Variants in FARP1 observed in about 807,000 individuals in gnomAD.
FARP1 encodes the protein FERM, ARH/RhoGEF and pleckstrin domain protein 1.
FARP1 carries 52 observed loss-of-function variants against 128.8 expected under a neutral mutation model. The observed-to-expected ratio is 0.40, with a 90% confidence interval of 0.32 to 0.51. The LOEUF (loss-of-function observed/expected upper bound fraction) is 0.51. Ranked by LOEUF, FARP1 falls within the 20% of genes least tolerant of loss-of-function variation. The probability of loss-of-function intolerance (pLI) is 0.45; values close to 1 mark genes in which losing one functional copy is unlikely to be tolerated. For synonymous variants in FARP1, 580 were observed against 551.8 expected (o/e 1.05, Z -0.72); for missense variants, 1,333 against 1,367.9 (o/e 0.97, Z 0.40).
chr13:98,331,454 G>A (rs575763123), intron 2 of FARP1, among the ~76,000 whole-genome samples: 3 of 152,060 alleles, frequency 2.0e-5, no homozygotes, highest in African/African-American at 7.3e-5. Flanking sequence ...TTCCCCAGCT[G>A]CTCATCAGAA....
chr13:98,441,554 G>A (rs1176666598), intron 24 of FARP1, among the ~76,000 whole-genome samples: 2 of 152,222 alleles, frequency 1.3e-5, no homozygotes, highest in Non-Finnish European at 2.9e-5. Context: ...TCTGAGCAGC[G>A]TTCCTTGCTC....
At chr13:98,191,243 C>T (rs974035414) in intron 1 of FARP1, among the ~76,000 whole-genome samples, 11 of 152,182 alleles carry the variant, frequency 7.2e-5, no homozygotes, top group African/African-American at 2.7e-4. Flanking sequence ...GAGAACACTG[C>T]CTGTGTTCTC....
intron 2 of FARP1, among the ~76,000 whole-genome samples, chr13:98,275,567 A>G (rs145626510): frequency 1.1e-4 from 16 of 151,554 alleles, no homozygotes; most frequent in African/African-American, 3.6e-4. Flanking sequence ...AGAATAGAGT[A>G]ATTCCTAACA....
chr13:98,227,524 T>C (rs1436419174), intron 2 of FARP1, among the ~76,000 whole-genome samples: 1 of 150,802 alleles, frequency 6.6e-6, no homozygotes, highest in East Asian at 1.9e-4. Flanking sequence ...GCACTGTTGG[T>C]GAGAATGTAA....
chr13:98,216,223 C>A (rs191436834), intron 2 of FARP1, among the ~76,000 whole-genome samples: 12 of 152,328 alleles, frequency 7.9e-5, no homozygotes, highest in Non-Finnish European at 1.3e-4. Flanking sequence ...GTACCTCATG[C>A]TGTTTAAGAG....
intron 2 of FARP1, among the ~76,000 whole-genome samples, chr13:98,276,523 A>G (rs1038643848): frequency 2.6e-5 from 4 of 152,196 alleles, no homozygotes; most frequent in African/African-American, 2.4e-5. Flanking sequence ...AGCTAAACAA[A>G]TGTAAAAATA....
chr13:98,378,646 C>A (rs1171673350), intron 6 of FARP1, among the ~76,000 whole-genome samples: 9 of 151,652 alleles, frequency 5.9e-5, no homozygotes. Context: ...TATAATCAGT[C>A]CCCTCCTATC....
At position 98,393,772 on chromosome 13, in the gene FARP1, C is replaced by T. The variant is rs375215549; in HGVS notation, c.1164+54C>T. On this transcript the variant is annotated intron_variant, in intron 12 of 26. Coordinates refer to ENST00000319562, the MANE Select transcript of FARP1 (RefSeq NM_005766.4). ...TCTGCTTTTCCCCACACTTCCTCCA[C>T]GGAGCCCTGGGCTTCAGAGCGGGCT... is the stretch of plus-strand genomic sequence containing the variant. The T allele has an allele frequency of 8.1e-4, 1,115 of 1,368,980 alleles. 16 individuals carry two copies. In the South Asian group the frequency reaches 0.012, roughly 15 times the overall value. The allele number at this position is 1,368,980 out of a possible 1,614,324, so 84.8% of individuals were successfully genotyped here.
intron 1 of FARP1, chr13:98,204,178 A>C (rs954306165): frequency 2.0e-5 from 3 of 152,272 alleles, no homozygotes; most frequent in Non-Finnish European, 2.9e-5. Flanking sequence ...TCACAGCCAG[A>C]TGGCCCTCAC....
chr13:98,440,224 C>A lies in FARP1; in HGVS notation c.2618C>A (p.Pro873His). ...GCCCCTGAGTTCCTGGCCAGCAGCC[C>A]CCCTGACAACAGTGAGTGTGGCCAG... Reference protein sequence around the residue: ...SPAPEFLASSPPDNKSPDEAT... With the variant: ...SPAPEFLASSHPDNKSPDEAT... Residue 873 changes from proline to histidine, a missense_variant, in exon 23 of 27, where the codon CCC (proline) becomes CAC (histidine). Around this residue, in one of 2 missense-constraint regions of FARP1, gnomAD observed 1,009 missense variants for 969.8 expected, o/e 1.04. Coordinates refer to ENST00000319562, the MANE Select transcript of FARP1 (RefSeq NM_005766.4). 1 of 1,612,990 alleles carries A rather than the reference C, an allele frequency of 6.2e-7. No homozygotes were observed. The highest frequency in any genetic ancestry group is 8.5e-7 in the Non-Finnish European group (1 of 1,179,064).
chr13:98,161,721 GTC>G (rs1277498745), intron 1 of FARP1, among the ~76,000 whole-genome samples: 2 of 152,038 alleles, frequency 1.3e-5, no homozygotes, highest in African/African-American at 2.4e-5. Context: ...CTACCTTCTT[GTC>G]TCTCTTTTTC....
chr13:98,308,023 C>A (rs1181790959), intron 2 of FARP1, among the ~76,000 whole-genome samples: 1 of 28,896 alleles, frequency 3.5e-5, no homozygotes, highest in East Asian at 5.7e-3. Context: ...CGCCCGCCCC[C>A]ACTCTCTCTC....
rs144967352 is a variant in FARP1 at position 98,270,482 on chromosome 13, A to C, written c.171+57069A>C. On this transcript the variant is annotated intron_variant, in intron 2 of 26. Transcript: ENST00000319562. The stretch of plus-strand genomic sequence containing the variant: ...GGTTTTTAAACTATTCATGACTTAC[A>C]ATGCCTCAGCGTATCTTCCTTGGGA... 3.5e-3 allele frequency among the ~76,000 whole-genome samples: 531 copies of C among 152,316 alleles called. 1 individual carries two copies. Among genetic ancestry groups the C allele is most frequent in the Middle Eastern group, 0.031 (9 of 294 alleles).
rs1875178807 is a variant in FARP1 at position 98,143,156 on chromosome 13, T to C, written c.-360T>C. 1.4e-5 allele frequency: 2 copies of C among 146,392 alleles called. No individual in the cohort carries two copies. The highest frequency in any genetic ancestry group is 1.4e-4 in the Admixed American group (2 of 14,796). 9.1% of individuals were successfully genotyped at this position (146,392 alleles called of 1,614,324 possible). A position where few individuals can be genotyped will look rare whatever the true frequency, so the allele number is the denominator to read the frequency against. ...GGCGCGGGCGCAGCGGTGCGGGCGC[T>C]CGGCTGGGGCGCGGGGCGGGGACGC... is the stretch of plus-strand genomic sequence containing the variant. On this transcript the variant is annotated 5_prime_UTR_variant, in exon 1 of 27. Transcript: ENST00000319562.
intron 5 of FARP1, among the ~76,000 whole-genome samples, chr13:98,369,230 T>C (rs1436618256): frequency 6.6e-6 from 1 of 152,150 alleles, no homozygotes; most frequent in African/African-American, 2.4e-5. Context: ...CAACCTCATT[T>C]TATAATTTGA....
At chr13:98,340,427 C>T (rs1224804892) in intron 2 of FARP1, among the ~76,000 whole-genome samples, 2 of 150,186 alleles carry the variant, frequency 1.3e-5, no homozygotes, top group Non-Finnish European at 3.0e-5. Context: ...TCACTGCAAC[C>T]TCCGCCTCCC....
chr13:98,259,514 G>A (rs941463167), intron 2 of FARP1, among the ~76,000 whole-genome samples: 12 of 152,112 alleles, frequency 7.9e-5, no homozygotes, highest in Non-Finnish European at 1.6e-4. Context: ...GGCTCCAGAG[G>A]TTTCACCGTG....
At chr13:98,428,908 A>G (rs778860665) in intron 17 of FARP1, among the ~76,000 whole-genome samples, 2 of 152,234 alleles carry the variant, frequency 1.3e-5, no homozygotes, top group Non-Finnish European at 2.9e-5. Flanking sequence ...AGAGCGACAC[A>G]CACATGCACG....
intron 2 of FARP1, among the ~76,000 whole-genome samples, chr13:98,238,749 A>G (rs187180331): frequency 5.3e-5 from 8 of 152,304 alleles, no homozygotes; most frequent in Non-Finnish European, 1.2e-4. Context: ...TATGGGAACT[A>G]CAATTCGAGA....
Sources: allele counts gnomAD v4.1 joint callset (sites outside exome capture counted in the v4.1 genomes callset), GRCh38; gene constraint gnomAD v4.1.1; regional missense constraint gnomAD v4.1.1; transcripts MANE v1.5; gene names NCBI Gene and HGNC (gene_info 2026-07-23, HGNC 2026-07-21).